The following DOCK3 variants were observed in gnomAD, a reference collection of about 807,000 sequenced individuals.
DOCK3 encodes the protein dedicator of cytokinesis 3.
A neutral mutation model predicts 265.6 loss-of-function variants in DOCK3; 60 were observed. That is an observed-to-expected ratio of 0.23 (90% CI 0.18 to 0.28). The LOEUF (loss-of-function observed/expected upper bound fraction) is 0.28, where lower values mean the gene tolerates loss of function less well. DOCK3 is among the 10% of genes least tolerant of loss of function. DOCK3 has a pLI of 1.00. For synonymous variants in DOCK3, 881 were observed against 938.0 expected (o/e 0.94, Z 1.11); for missense variants, 1,981 against 2,594.3 (o/e 0.76, Z 5.14).
chr3:51,075,495 T>C, intron 7 of DOCK3, 55 bp downstream of exon 7: 2 of 1,418,608 alleles, frequency 1.4e-6, no homozygotes, highest in East Asian at 4.9e-5. Flanking sequence ...TTTTCTCTTT[T>C]GTTTATTTTC....
In DOCK3 at chr3:51,089,359, C is replaced by A. The variant is rs1464140173; in HGVS notation, c.591+75C>A. On this transcript the variant is annotated intron_variant, in intron 8 of 52. Transcript: ENST00000266037. ...TAAGAGATTACAACATATGAATACACCAGGAAATGACAGACACCACTGACT... is the reference window on the plus strand; with the variant it reads ...TAAGAGATTACAACATATGAATACAACAGGAAATGACAGACACCACTGACT... 6.0e-6 allele frequency: 9 copies of A among 1,505,512 alleles called. No homozygotes were observed. In the East Asian group the frequency reaches 1.7e-4, roughly 28 times the overall value. 93.3% of individuals were successfully genotyped at this position (1,505,512 alleles called of 1,614,324 possible).
At chr3:50,798,256 AAAACC>A (rs1372472774) in intron 2 of DOCK3, among the ~76,000 whole-genome samples, 4 of 152,224 alleles carry the variant, frequency 2.6e-5, no homozygotes, top group Non-Finnish European at 5.9e-5. Flanking sequence ...AATGTAGAGA[AAAACC>A]AGGTCTCGCT....
chr3:51,272,111 A>G (rs2080534788), intron 24 of DOCK3, among the ~76,000 whole-genome samples: 1 of 152,218 alleles, frequency 6.6e-6, no homozygotes, highest in African/African-American at 2.4e-5. Flanking sequence ...CCTTGCAGGG[A>G]CAACCAAATG....
At chr3:51,049,317 C>A (rs563317521) in intron 5 of DOCK3, among the ~76,000 whole-genome samples, 1 of 118,198 alleles carries the variant, frequency 8.5e-6, no homozygotes, top group East Asian at 2.5e-4. Context: ...AAGAGTGAGA[C>A]CGTGTCTCAG....
At chr3:50,986,901 C>G (rs186831089) in intron 5 of DOCK3, among the ~76,000 whole-genome samples, 1 of 152,298 alleles carries the variant, frequency 6.6e-6, no homozygotes. Flanking sequence ...ATGAAAGCAG[C>G]GTGCTGCTAT....
chr3:50,961,503 G>A (rs2108391225), intron 5 of DOCK3, among the ~76,000 whole-genome samples: 1 of 152,270 alleles, frequency 6.6e-6, no homozygotes, highest in East Asian at 1.9e-4. Flanking sequence ...TTGAAACTTG[G>A]TGATATCTGA....
chr3:50,838,268 A>G (rs537055453), intron 2 of DOCK3, among the ~76,000 whole-genome samples: 1 of 152,332 alleles, frequency 6.6e-6, no homozygotes, highest in South Asian at 2.1e-4. Flanking sequence ...AGGCAATACA[A>G]CAGCATTTTA....
At chr3:51,145,325 C>T (rs1305520119) in intron 9 of DOCK3, among the ~76,000 whole-genome samples, 5 of 151,944 alleles carry the variant, frequency 3.3e-5, no homozygotes. Context: ...GTGTGCTGCA[C>T]CCATTAACTC....
chr3:51,163,635 G>A (rs1056021156), intron 12 of DOCK3, among the ~76,000 whole-genome samples: 1 of 152,006 alleles, frequency 6.6e-6, no homozygotes, highest in African/African-American at 2.4e-5. Context: ...ATTGGAGGGG[G>A]TGGGTGTCCA....
intron 5 of DOCK3, among the ~76,000 whole-genome samples, chr3:50,956,038 T>C (rs2076720050): frequency 6.6e-6 from 1 of 151,948 alleles, no homozygotes; most frequent in Admixed American, 6.6e-5. Context: ...TGAGGTCAAC[T>C]GCTTCTTATT....
intron 1 of DOCK3, among the ~76,000 whole-genome samples, chr3:50,718,131 T>C (rs1412754212): frequency 6.6e-6 from 1 of 152,238 alleles, no homozygotes; most frequent in African/African-American, 2.4e-5. Flanking sequence ...TGTGTCATTC[T>C]GCATTATCAG....
chr3:50,749,889 G>C (rs1481025269), intron 1 of DOCK3, among the ~76,000 whole-genome samples: 1 of 152,088 alleles, frequency 6.6e-6, no homozygotes, highest in East Asian at 1.9e-4. Flanking sequence ...TTCCATTACT[G>C]TTCTCAAATC....
intron 6 of DOCK3, among the ~76,000 whole-genome samples, chr3:51,074,781 G>A (rs748465980): frequency 2.0e-5 from 3 of 152,016 alleles, no homozygotes; most frequent in South Asian, 2.1e-4. Flanking sequence ...CATGGCACAC[G>A]TTCACCTGTG....
chr3:51,183,375 C>T (rs2087410261), intron 12 of DOCK3, among the ~76,000 whole-genome samples: 1 of 151,874 alleles, frequency 6.6e-6, no homozygotes, highest in African/African-American at 2.4e-5. Context: ...GGCATTTTTA[C>T]TCATTCTCAT....
At chr3:50,852,225 T>C (rs1477395282) in intron 3 of DOCK3, among the ~76,000 whole-genome samples, 5 of 152,242 alleles carry the variant, frequency 3.3e-5, no homozygotes, top group African/African-American at 1.2e-4. Context: ...ATTTTCCTTC[T>C]TGAATTAAAG....
intron 14 of DOCK3, among the ~76,000 whole-genome samples, chr3:51,218,695 A>C (rs989033881): frequency 8.5e-5 from 13 of 152,226 alleles, no homozygotes; most frequent in Non-Finnish European, 1.5e-4. Context: ...GCCAAATTAC[A>C]TATTAAATGG....
intron 32 of DOCK3, among the ~76,000 whole-genome samples, chr3:51,326,782 C>T (rs914579355): frequency 5.9e-5 from 9 of 151,742 alleles, no homozygotes; most frequent in East Asian, 3.9e-4. Context: ...CCACCATGCC[C>T]AGCTAATTTT....
intron 36 of DOCK3, 70 bp from the exon 37 acceptor site, chr3:51,338,865 G>A: frequency 7.4e-7 from 1 of 1,356,662 alleles, no homozygotes; most frequent in East Asian, 2.5e-5. Context: ...CCACGGCTAT[G>A]GCCAGCTGCC....
At chr3:50,763,183 G>A (rs2040635794) in intron 1 of DOCK3, among the ~76,000 whole-genome samples, 1 of 152,134 alleles carries the variant, frequency 6.6e-6, no homozygotes, top group Non-Finnish European at 1.5e-5. Context: ...TGTTAAGTCA[G>A]GGACCATCTG....
Sources: gnomAD v4.1 joint callset for allele counts (sites outside exome capture counted in the v4.1 genomes callset) on GRCh38, gnomAD v4.1.1 for gene constraint, MANE v1.5 for transcripts, NCBI Gene and HGNC (gene_info 2026-07-23, HGNC 2026-07-21) for gene names.